Variants in AEBP2 observed in about 807,000 individuals in gnomAD.
AEBP2 encodes AE binding protein 2.
Under a neutral mutation model 50.8 loss-of-function variants are expected in AEBP2, and 10 were observed. That is an observed-to-expected ratio of 0.20 (90% CI 0.12 to 0.33). The LOEUF (loss-of-function observed/expected upper bound fraction) is 0.33. Ranked by LOEUF, AEBP2 falls within the 10% of genes least tolerant of loss-of-function variation. AEBP2 has a pLI of 1.00. For missense variants in AEBP2, 570 were observed against 688.0 expected (o/e 0.83, Z 1.92); for synonymous variants, 296 against 261.3 (o/e 1.13, Z -1.28).
At chr12:19,444,343 C>G (rs1434283428) in intron 1 of AEBP2, among the ~76,000 whole-genome samples, 1 of 152,138 alleles carries the variant, frequency 6.6e-6, no homozygotes, top group South Asian at 2.1e-4. Flanking sequence ...GTCTCAAGTT[C>G]AAGTAGTAAA....
intron 4 of AEBP2, among the ~76,000 whole-genome samples, chr12:19,497,371 T>TA (rs1270671754): frequency 7.6e-6 from 1 of 131,138 alleles, no homozygotes; most frequent in Non-Finnish European, 1.5e-5. Context: ...GTCTCACACT[T>TA]ACTGCCCGGG....
chr12:19,514,289 C>T lies in AEBP2; in HGVS notation c.1368-382C>T, dbSNP rs77333482. 1.1e-3 allele frequency among the ~76,000 whole-genome samples: 174 copies of T among 152,190 alleles called. 3 individuals carry two copies. In the East Asian group the frequency reaches 0.024, roughly 21 times the overall value. On this transcript the variant is annotated intron_variant, in intron 6 of 7. Transcript: ENST00000266508. ...TGCTGGAATTAGAGGAAGGAGCCAC[C>T]GCACTGGGCCCTTTTATTTCTCTCT...
At chr12:19,413,563 A>AGGATTTCT in intron 1 of AEBP2, 1 of 661,984 alleles carries the variant, frequency 1.5e-6, no homozygotes, top group Non-Finnish European at 2.7e-6. Flanking sequence ...GCCTTTTAAA[A>AGGATTTCT]AATAAACTTG....
intron 1 of AEBP2, among the ~76,000 whole-genome samples, chr12:19,459,056 A>G (rs1332398612): frequency 6.6e-6 from 1 of 152,122 alleles, no homozygotes; most frequent in African/African-American, 2.4e-5. Flanking sequence ...GATTGTTTAT[A>G]AATTGGTTAT....
Position 19,439,717 on chromosome 12 carries a change from C to T in AEBP2, c.18C>T (p.Thr6=), listed in dbSNP as rs1168332952. Residue 6 remains threonine (T), a synonymous_variant, in exon 1 of 8, where the codon ACC becomes ACT. Coordinates refer to ENST00000266508, the MANE Select transcript of AEBP2 (RefSeq NM_153207.5). MAAAI[T]DMADLEELSR... ...GCGCCGCCATGGCCGCCGCTATCACCGACATGGCCGACCTGGAGGAGCTCT... is the reference window on the plus strand; with the variant it reads ...GCGCCGCCATGGCCGCCGCTATCACTGACATGGCCGACCTGGAGGAGCTCT... 3 of 1,516,788 alleles carry T rather than the reference C, an allele frequency of 2.0e-6. No individual in the cohort carries two copies. The highest frequency in any genetic ancestry group is 1.2e-5 in the South Asian group (1 of 83,308). The allele number at this position is 1,516,788 out of a possible 1,614,324, so 94.0% of individuals were successfully genotyped here. A position where few individuals can be genotyped will look rare whatever the true frequency, so the allele number is the denominator to read the frequency against.
chr12:19,438,222 TCAA>T (rs1448961666), upstream of AEBP2, among the ~76,000 whole-genome samples: 1 of 152,218 alleles, frequency 6.6e-6, no homozygotes, highest in African/African-American at 2.4e-5. Context: ...TTGCTTGCTT[TCAA>T]CAAGTTGAAA....
chr12:19,514,822 T>TA, intron 7 of AEBP2, 38 bp downstream of exon 7: 1 of 1,507,710 alleles, frequency 6.6e-7, no homozygotes, highest in Non-Finnish European at 9.0e-7. Flanking sequence ...ACTTTTTGAT[T>TA]TGTAATTTTC....
At chr12:19,432,927 G>A (rs2095752190) in intron 1 of AEBP2, among the ~76,000 whole-genome samples, 3 of 152,078 alleles carry the variant, frequency 2.0e-5, no homozygotes, top group African/African-American at 7.2e-5. Flanking sequence ...CCCCATCAGT[G>A]CTGTGGTTGA....
At chr12:19,422,800 A>G (rs1311878616) in intron 1 of AEBP2, among the ~76,000 whole-genome samples, 4 of 152,130 alleles carry the variant, frequency 2.6e-5, no homozygotes, top group Admixed American at 1.3e-4. Context: ...ATGGTGGCTC[A>G]TGGCTGTAAT....
rs147882651 is a variant in AEBP2 at position 19,494,259 on chromosome 12, G to A, written c.1174+273G>A. ...TAACATTTAAAATATAGTAACATTG[G>A]TATTTCTAGAAATATTTTAGAAAAT... On this transcript the variant is annotated intron_variant, in intron 4 of 7. Coordinates refer to ENST00000266508, the MANE Select transcript of AEBP2 (RefSeq NM_153207.5). Among the ~76,000 whole-genome samples, 42 of 152,210 alleles carry A rather than the reference G, an allele frequency of 2.8e-4. No homozygotes were observed. In the East Asian group the frequency reaches 7.9e-3, roughly 29 times the overall value.
intron 3 of AEBP2, among the ~76,000 whole-genome samples, chr12:19,481,643 T>C (rs1647318085): frequency 6.6e-6 from 1 of 152,032 alleles, no homozygotes; most frequent in African/African-American, 2.4e-5. Context: ...CATGCCTGGC[T>C]AAATTTTGTA....
rs2095740496 is a variant in AEBP2, at chr12:19,413,357, T to G, written c.-17+9141T>G. ...ACTGAGAAGGTGTCAGAACAAGGTTTAATAGAAATCCTTTAAAAAGTAAGC... is the reference window on the plus strand; with the variant it reads ...ACTGAGAAGGTGTCAGAACAAGGTTGAATAGAAATCCTTTAAAAAGTAAGC... On this transcript the variant is annotated intron_variant, in intron 1 of 3. Transcript: ENST00000538425. 5 of 1,063,890 alleles carry G rather than the reference T, an allele frequency of 4.7e-6. No homozygotes were observed. The South Asian group carries it at 6.2e-5, about 13-fold the overall frequency. The allele number at this position is 1,063,890 out of a possible 1,614,324, so 65.9% of individuals were successfully genotyped here.
intron 3 of AEBP2, among the ~76,000 whole-genome samples, chr12:19,475,752 C>T (rs1266581555): frequency 6.6e-6 from 1 of 152,108 alleles, no homozygotes; most frequent in Non-Finnish European, 1.5e-5. Context: ...ATGCCAACAT[C>T]TGTTGTTTTT....
At chr12:19,474,607 A>C (rs1056338196) in intron 3 of AEBP2, among the ~76,000 whole-genome samples, 2 of 152,114 alleles carry the variant, frequency 1.3e-5, no homozygotes, top group Admixed American at 6.6e-5. Flanking sequence ...TTCTTACACA[A>C]AGTCTAGTAA....
intron 1 of AEBP2, chr12:19,440,625 C>CA: frequency 6.7e-7 from 1 of 1,501,130 alleles, no homozygotes; most frequent in Non-Finnish European, 8.9e-7. Context: ...CTTCGCTCCT[C>CA]ACGGACCTCA....
chr12:19,425,132 C>T (rs932992294), intron 1 of AEBP2, among the ~76,000 whole-genome samples: 2 of 152,196 alleles, frequency 1.3e-5, no homozygotes, highest in Non-Finnish European at 2.9e-5. Context: ...ACAAGTCACT[C>T]AGGGACCCAC....
intron 2 of AEBP2, among the ~76,000 whole-genome samples, chr12:19,465,168 G>A (rs1022653732): frequency 3.9e-5 from 6 of 151,920 alleles, no homozygotes; most frequent in African/African-American, 9.7e-5. Flanking sequence ...GCTGAGGCGC[G>A]CGGATCACGG....
At chr12:19,517,675 G>T (rs536203264) in intron 7 of AEBP2, among the ~76,000 whole-genome samples, 3 of 152,286 alleles carry the variant, frequency 2.0e-5, no homozygotes, top group Admixed American at 1.3e-4. Flanking sequence ...AAGCACTGGG[G>T]TTTGTTGTTT....
chr12:19,418,933 T>C (rs66534132), intron 1 of AEBP2: 13,872 of 122,372 alleles, frequency 0.11, 719 homozygotes, highest in Middle Eastern at 0.2. Context: ...CTCTCCTACA[T>C]TGAGCACAAG....
Sources: allele counts gnomAD v4.1 joint callset (sites outside exome capture counted in the v4.1 genomes callset), GRCh38; gene constraint gnomAD v4.1.1; transcripts MANE v1.5; gene names NCBI Gene and HGNC (gene_info 2026-07-23, HGNC 2026-07-21).